The following KCNT1 variants were observed in gnomAD, a reference collection of about 807,000 sequenced individuals.
The protein encoded by KCNT1 is potassium channel subfamily T member 1.
KCNT1 carries 78 observed loss-of-function variants against 147.8 expected under a neutral mutation model. The observed-to-expected ratio is 0.53, with a 90% CI of 0.44 to 0.64. KCNT1 has a LOEUF of 0.64. Among genes scored for constraint, KCNT1 ranks in the 30% least tolerant of loss-of-function variants. KCNT1 has a pLI of 0.00. For synonymous variants in KCNT1, 867 were observed against 748.8 expected (o/e 1.16, Z -2.58); for missense variants, 1,419 against 1,750.3 (o/e 0.81, Z 3.38).
chr9:135,775,412 C>T lies in KCNT1; in HGVS notation c.2346C>T (p.Asp782=). Residue 782 remains aspartate, a synonymous_variant, in exon 20 of 31, where the codon GAC becomes GAT. Transcript: ENST00000371757. ...VKAPFCCLRL[D]KGCKHNSYED... is the part of the protein sequence containing the mutation. Reference sequence around the variant, plus strand: ...CCCCCTTCTGCTGCCTGCGGCTGGACAAGGTAAGGCTGGCGGCTCTGCCGC... The same window carrying T: ...CCCCCTTCTGCTGCCTGCGGCTGGATAAGGTAAGGCTGGCGGCTCTGCCGC... 4.4e-6 allele frequency: 7 copies of T among 1,608,772 alleles called. No homozygotes were observed. The highest frequency in any genetic ancestry group is 5.9e-6 in the Non-Finnish European group (7 of 1,177,234).
At chr9:135,750,273 A>G (rs1289348848) in intron 3 of KCNT1, 96 bp downstream of exon 3, 2 of 767,456 alleles carry the variant, frequency 2.6e-6, no homozygotes, top group East Asian at 4.8e-5. Context: ...CTGTGAGCTC[A>G]GGGAGAGTCC....
rs1017599281 is a variant in KCNT1 at position 135,785,289 on chromosome 9, C to T, written c.3157-21C>T. 3.1e-6 allele frequency: 5 copies of T among 1,612,506 alleles called. No homozygotes were observed. The African/African-American group carries it at 6.7e-5, about 22-fold the overall frequency. On this transcript the variant is annotated intron_variant, in intron 27 of 30. Coordinates refer to ENST00000371757, the MANE Select transcript of KCNT1 (RefSeq NM_020822.3). The stretch of plus-strand genomic sequence containing the variant: ...CAGGGGTGCGCCCACAGGTCCCAGA[C>T]TGCGCCTGTTTCCTTTGCAGCCCCA...
At chr9:135,706,842 G>A (rs1015316407) in intron 1 of KCNT1, among the ~76,000 whole-genome samples, 1 of 152,186 alleles carries the variant, frequency 6.6e-6, no homozygotes, top group Non-Finnish European at 1.5e-5. Flanking sequence ...GCGCCAGTGA[G>A]TTGGTCATTT....
intron 11 of KCNT1, 132 bp downstream of exon 11, chr9:135,759,991 G>A (rs1831807140): frequency 1.2e-6 from 1 of 826,952 alleles, no homozygotes; most frequent in Non-Finnish European, 1.8e-6. Context: ...AGGCCAGGCG[G>A]GTGGTGCCTG....
In KCNT1 at chr9:135,784,576, G is replaced by A. The variant is rs1268797708; in HGVS notation, c.2985G>A (p.Leu995=). The part of the protein sequence containing the change: ...KDYMITITRL[L]LGLDTTPGSG... ...ACATGATCACCATCACCCGGCTGCT[G>A]CTGGGCCTGGACACCACGCCGGGCT... Residue 995 remains leucine, a synonymous_variant, in exon 26 of 31, where the codon CTG becomes CTA. Coordinates refer to ENST00000371757, the MANE Select transcript of KCNT1 (RefSeq NM_020822.3). 2 of 1,546,024 alleles carry A rather than the reference G, an allele frequency of 1.3e-6. No individual in the cohort carries two copies. Among genetic ancestry groups the A allele is most frequent in the South Asian group, 1.1e-5 (1 of 89,678 alleles).
intron 24 of KCNT1, 69 bp from the exon 25 acceptor site, chr9:135,783,954 GA>G: frequency 8.5e-7 from 1 of 1,180,412 alleles, no homozygotes; most frequent in Non-Finnish European, 1.3e-6. Flanking sequence ...CAGTGCCCTC[GA>G]CCCCGTGGCT....
intron 6 of KCNT1, among the ~76,000 whole-genome samples, chr9:135,755,725 A>G (rs949989177): frequency 6.6e-6 from 1 of 150,542 alleles, no homozygotes; most frequent in African/African-American, 2.5e-5. Context: ...AATGCTGAGG[A>G]CAAACCAAGA....
intron 19 of KCNT1, 31 bp downstream of exon 19, chr9:135,772,980 G>C (rs533069066): frequency 2.5e-5 from 35 of 1,398,814 alleles, no homozygotes; most frequent in Middle Eastern, 2.1e-4. Context: ...GGCTCCCAGT[G>C]GGGGGAGGAG....
intron 11 of KCNT1, among the ~76,000 whole-genome samples, chr9:135,764,110 C>T (rs907945347): frequency 5.3e-5 from 8 of 152,136 alleles, no homozygotes; most frequent in Non-Finnish European, 1.2e-4. Flanking sequence ...GACGATAGCA[C>T]ATCAGCCATG....
intron 2 of KCNT1, 133 bp from the exon 3 acceptor site, chr9:135,749,965 C>T: frequency 1.4e-6 from 1 of 699,518 alleles, no homozygotes; most frequent in Admixed American, 2.1e-5. Context: ...AGGGAGTGGT[C>T]CTGCTGGGCC....
In KCNT1 at chr9:135,753,679, C is replaced by T. The variant is rs1425200714; in HGVS notation, c.435-258C>T. The T allele has an allele frequency of 8.8e-6, 5 of 571,210 alleles. No individual in the cohort carries two copies. In the Admixed American group the frequency reaches 1.2e-4, roughly 14 times the overall value. 35.4% of individuals were successfully genotyped at this position (571,210 alleles called of 1,614,324 possible). ...ATCCCGCAGATGTGGGATGTACCCT[C>T]GCTGTCTGCCTGCTGGGCTGAGCAG... is the stretch of plus-strand genomic sequence containing the variant. On this transcript the variant is annotated intron_variant, in intron 4 of 30. Coordinates refer to ENST00000371757, the MANE Select transcript of KCNT1 (RefSeq NM_020822.3).
At position 135,714,740 on chromosome 9, in the gene KCNT1, T is replaced by A; in HGVS notation, c.254+20T>A. ...CGACAGGTAGGGACCGGGCGCGGGG[T>A]GGGGGCTGGGGTCGCCGTCCCGGCG... is the stretch of plus-strand genomic sequence containing the variant. On this transcript the variant is annotated intron_variant, in intron 2 of 30. Coordinates refer to ENST00000371757, the MANE Select transcript of KCNT1 (RefSeq NM_020822.3). This position sits in a 1 kb window ranked among gnomAD's most constrained non-coding sequence, Gnocchi z 6.2. 7.7e-7 allele frequency: 1 copy of A among 1,299,098 alleles called. No homozygotes were observed. The highest frequency in any genetic ancestry group is 9.9e-7 in the Non-Finnish European group (1 of 1,006,764). The allele number at this position is 1,299,098 out of a possible 1,614,324, so 80.5% of individuals were successfully genotyped here. A position where few individuals can be genotyped will look rare whatever the true frequency, so the allele number is the denominator to read the frequency against.
intron 16 of KCNT1, 117 bp downstream of exon 16, chr9:135,770,172 A>G: frequency 7.2e-7 from 1 of 1,397,434 alleles, no homozygotes; most frequent in Non-Finnish European, 9.7e-7. Flanking sequence ...CATGGCGGGC[A>G]AAAGTCCTGC....
At chr9:135,781,365 G>T (rs371184496) in intron 24 of KCNT1, among the ~76,000 whole-genome samples, 10 of 152,156 alleles carry the variant, frequency 6.6e-5, no homozygotes, top group African/African-American at 1.7e-4. Flanking sequence ...GGGTGCCGTG[G>T]ACCACCTGAC....
chr9:135,770,805 G>A lies in KCNT1; in HGVS notation c.1770-52G>A, dbSNP rs187880975. Reference sequence around the variant, plus strand: ...TTTGCAGGAAGGGCAGGCAGGGAGCGGGACAGGGCGGGTGAGCGGCGGTAC... The same window carrying A: ...TTTGCAGGAAGGGCAGGCAGGGAGCAGGACAGGGCGGGTGAGCGGCGGTAC... On this transcript the variant is annotated intron_variant, in intron 17 of 30. Coordinates refer to ENST00000371757, the MANE Select transcript of KCNT1 (RefSeq NM_020822.3). 67 of 1,467,350 alleles carry A rather than the reference G, an allele frequency of 4.6e-5. No individual in the cohort carries two copies. In the Admixed American group the frequency reaches 4.6e-4, roughly 10 times the overall value. The allele number at this position is 1,467,350 out of a possible 1,614,324, so 90.9% of individuals were successfully genotyped here. A position where few individuals can be genotyped will look rare whatever the true frequency, so the allele number is the denominator to read the frequency against.
chr9:135,756,038 CAG>C, intron 6 of KCNT1, among the ~76,000 whole-genome samples: 2 of 147,790 alleles, frequency 1.4e-5, no homozygotes, highest in South Asian at 4.4e-4. Context: ...GATCAGTAAA[CAG>C]GGGACCCAGG....
rs1056116641 is a variant in KCNT1 at position 135,792,727 on chromosome 9, C to T, written c.*566C>T. On this transcript the variant is annotated 3_prime_UTR_variant, in exon 31 of 31. Coordinates refer to ENST00000371757, the MANE Select transcript of KCNT1 (RefSeq NM_020822.3). ...AGCCCCTTCTGGAAGTTAGAAGCAG[C>T]AAAGGGCCCGGGGAAGCCGGGCATG... The T allele has an allele frequency of 6.6e-6, 1 of 152,396 alleles. No homozygotes were observed. The highest frequency in any genetic ancestry group is 2.4e-5 in the African/African-American group (1 of 41,440). 9.4% of individuals were successfully genotyped at this position (152,396 alleles called of 1,614,324 possible). A position where few individuals can be genotyped will look rare whatever the true frequency, so the allele number is the denominator to read the frequency against.
intron 2 of KCNT1, among the ~76,000 whole-genome samples, chr9:135,738,401 T>A (rs1287242871): frequency 6.6e-6 from 1 of 152,124 alleles, no homozygotes; most frequent in African/African-American, 2.4e-5. Flanking sequence ...TAGGGCAGGC[T>A]CCTGAGCAGA....
chr9:135,723,530 G>T (rs1007210470), intron 2 of KCNT1, among the ~76,000 whole-genome samples: 9 of 152,172 alleles, frequency 5.9e-5, no homozygotes, highest in Admixed American at 2.0e-4. Flanking sequence ...CTCCCGAAGG[G>T]GCATTTTGTG....
Sources: allele counts gnomAD v4.1 joint callset (sites outside exome capture counted in the v4.1 genomes callset), GRCh38; gene constraint gnomAD v4.1.1; non-coding constraint Gnocchi (gnomAD v3.1); transcripts MANE v1.5; gene names NCBI Gene and HGNC (gene_info 2026-07-23, HGNC 2026-07-21).